Variants in ZNF385D observed in about 807,000 individuals in gnomAD.
The protein encoded by ZNF385D is zinc finger protein 385D.
A neutral mutation model predicts 35.8 loss-of-function variants in ZNF385D; 15 were observed. That is an observed-to-expected ratio of 0.42 (90% CI 0.28 to 0.64). The LOEUF (loss-of-function observed/expected upper bound fraction) is 0.64, where lower values mean the gene tolerates loss of function less well. Among genes scored for constraint, ZNF385D ranks in the 30% least tolerant of loss-of-function variants. The pLI is 0.23. For synonymous variants in ZNF385D, 212 were observed against 186.8 expected (o/e 1.13, Z -1.10); for missense variants, 474 against 494.6 (o/e 0.96, Z 0.39).
At chr3:22,174,084 C>T (rs2125767356) in intron 2 of ZNF385D, among the ~76,000 whole-genome samples, 1 of 151,718 alleles carries the variant, frequency 6.6e-6, no homozygotes, top group South Asian at 2.1e-4. Flanking sequence ...ACATAATTAA[C>T]AATTTATAAA....
rs427233 is a variant in ZNF385D at position 21,421,295 on chromosome 3, G to C, written c.1107C>G (p.Ser369=). ...GCCGCAGGAGTGCCGGAGGAAGCGCGGAAGTCTGGAACAGTGTTGCTGCTG... is the reference window on the plus strand; with the variant it reads ...GCCGCAGGAGTGCCGGAGGAAGCGCCGAAGTCTGGAACAGTGTTGCTGCTG... The part of the protein sequence containing the change: ...TAPAATLFQT[S]ALPPALLRPA... The change falls in exon 8 of 8, where the codon TCC becomes TCG. Residue 369 remains serine, a synonymous_variant. Transcript: ENST00000281523. The C allele has an allele frequency of 1.2e-6, 2 of 1,613,924 alleles. No individual in the cohort carries two copies. The highest frequency in any genetic ancestry group is 8.5e-7 in the Non-Finnish European group (1 of 1,179,894).
intron 4 of ZNF385D, among the ~76,000 whole-genome samples, chr3:21,485,182 C>T (rs1011060938): frequency 1.3e-5 from 2 of 152,118 alleles, no homozygotes; most frequent in African/African-American, 2.4e-5. Flanking sequence ...GCTAGAAACA[C>T]GTCAAGGTTT....
intron 3 of ZNF385D, among the ~76,000 whole-genome samples, chr3:21,826,516 G>A (rs1216910484): frequency 2.0e-5 from 3 of 152,154 alleles, no homozygotes; most frequent in Non-Finnish European, 4.4e-5. Flanking sequence ...GAGAAGAAGA[G>A]GTTCAGGAAG....
At chr3:21,797,270 A>G (rs2072196136) in intron 3 of ZNF385D, among the ~76,000 whole-genome samples, 3 of 152,210 alleles carry the variant, frequency 2.0e-5, no homozygotes, top group South Asian at 2.1e-4. Context: ...AATGCAAGTT[A>G]AAACAATTGT....
chr3:22,078,028 T>A (rs1475911554), intron 3 of ZNF385D, among the ~76,000 whole-genome samples: 2 of 152,006 alleles, frequency 1.3e-5, no homozygotes, highest in African/African-American at 4.8e-5. Flanking sequence ...TTTATTGGAT[T>A]TCAAAACTGA....
intron 3 of ZNF385D, among the ~76,000 whole-genome samples, chr3:22,041,527 G>C (rs114752208): frequency 1.2e-4 from 19 of 152,278 alleles, no homozygotes; most frequent in African/African-American, 3.9e-4. Context: ...GGAAGGCATA[G>C]CTTCACTACA....
chr3:22,287,807 G>A (rs1702102487), intron 2 of ZNF385D, among the ~76,000 whole-genome samples: 1 of 151,992 alleles, frequency 6.6e-6, no homozygotes, highest in South Asian at 2.1e-4. Flanking sequence ...TATAGTATTA[G>A]AATGTTTTAA....
chr3:22,285,911 C>A (rs988224126), intron 2 of ZNF385D, among the ~76,000 whole-genome samples: 1 of 152,074 alleles, frequency 6.6e-6, no homozygotes, highest in Non-Finnish European at 1.5e-5. Context: ...AAACCGTATT[C>A]TGAGAAAACA....
At chr3:21,713,919 C>G (rs1280319759) in intron 1 of ZNF385D, among the ~76,000 whole-genome samples, 1 of 152,112 alleles carries the variant, frequency 6.6e-6, no homozygotes, top group East Asian at 1.9e-4. Flanking sequence ...CCCTGGGACC[C>G]AAAGTCTATG....
At chr3:21,550,060 T>A (rs2062513790) in intron 3 of ZNF385D, among the ~76,000 whole-genome samples, 2 of 152,186 alleles carry the variant, frequency 1.3e-5, no homozygotes, top group African/African-American at 4.8e-5. Flanking sequence ...CATCAAAATG[T>A]ATAATTTGAG....
At chr3:21,426,897 GT>G (rs1468909092) in intron 5 of ZNF385D, among the ~76,000 whole-genome samples, 5 of 152,102 alleles carry the variant, frequency 3.3e-5, no homozygotes, top group Admixed American at 2.0e-4. Flanking sequence ...TGAGTCCAAT[GT>G]AAAAAGTATT....
intron 1 of ZNF385D, among the ~76,000 whole-genome samples, chr3:21,708,861 GCACACACACACA>G (rs34469159): frequency 1.3e-5 from 2 of 148,274 alleles, no homozygotes; most frequent in Non-Finnish European, 3.0e-5. Context: ...GTGTGGGCGT[GCACACACACACA>G]CACACACACA....
chr3:21,502,036 G>A (rs1231365496), intron 4 of ZNF385D, among the ~76,000 whole-genome samples: 2 of 152,126 alleles, frequency 1.3e-5, no homozygotes, highest in African/African-American at 4.8e-5. Context: ...TTCAGCAAAT[G>A]CCACCCCAAA....
At chr3:22,234,895 TA>T (rs879797969) in intron 2 of ZNF385D, among the ~76,000 whole-genome samples, 22 of 152,096 alleles carry the variant, frequency 1.4e-4, no homozygotes, top group Non-Finnish European at 7.4e-5. Flanking sequence ...TATAAGTTCT[TA>T]AATAATGTAC....
chr3:22,083,418 A>T (rs916425320), intron 3 of ZNF385D, among the ~76,000 whole-genome samples: 1 of 152,222 alleles, frequency 6.6e-6, no homozygotes, highest in Non-Finnish European at 1.5e-5. Context: ...ACCATGGCAC[A>T]AGAACTACGT....
Position 21,685,744 on chromosome 3 carries a change from T to C in ZNF385D, c.23-20716A>G, listed in dbSNP as rs1305763716. On this transcript the variant is annotated intron_variant, in intron 1 of 7. Coordinates refer to ENST00000281523, the MANE Select transcript of ZNF385D (RefSeq NM_024697.3). ...GCATTACCTAATTATCCCAGAATTC[T>C]GAAAAATCTTTGTATGGAGCAATAC... 2.0e-5 allele frequency among the ~76,000 whole-genome samples: 3 copies of C among 152,302 alleles called. No individual in the cohort carries two copies. In the East Asian group the frequency reaches 5.8e-4, roughly 29 times the overall value.
chr3:22,268,836 G>T (rs1180558411), intron 2 of ZNF385D, among the ~76,000 whole-genome samples: 1 of 151,916 alleles, frequency 6.6e-6, no homozygotes, highest in Admixed American at 6.6e-5. Context: ...ATAGCCTCAT[G>T]TAGTTACTCT....
intron 3 of ZNF385D, among the ~76,000 whole-genome samples, chr3:22,014,830 CA>C (rs1361776742): frequency 6.6e-6 from 1 of 151,764 alleles, no homozygotes; most frequent in Non-Finnish European, 1.5e-5. Context: ...AATGGCTGAC[CA>C]AAAGTAATTC....
At chr3:21,502,414 C>T (rs866014102) in intron 4 of ZNF385D, among the ~76,000 whole-genome samples, 1 of 152,144 alleles carries the variant, frequency 6.6e-6, no homozygotes, top group African/African-American at 2.4e-5. Context: ...TCCCTCCCTG[C>T]AGGATACATA....
Sources: allele counts gnomAD v4.1 joint callset (sites outside exome capture counted in the v4.1 genomes callset), GRCh38; gene constraint gnomAD v4.1.1; transcripts MANE v1.5; gene names NCBI Gene and HGNC (gene_info 2026-07-23, HGNC 2026-07-21).